The following RGPD3 variants were observed in gnomAD, a reference collection of about 807,000 sequenced individuals.
RGPD3 encodes ranBP2-like and GRIP domain-containing protein 3.
In RGPD3, 62 loss-of-function variants were observed where a neutral mutation model predicts 154.5. That is an observed-to-expected ratio of 0.40 (90% CI 0.33 to 0.50). The LOEUF (loss-of-function observed/expected upper bound fraction) is 0.50. Among genes scored for constraint, RGPD3 ranks in the 20% least tolerant of loss-of-function variants. The pLI is 0.59. For synonymous variants in RGPD3, 308 were observed against 607.0 expected (o/e 0.51, Z 7.24); for missense variants, 919 against 1,716.8 (o/e 0.54, Z 8.21).
In RGPD3 at chr2:106,409,192, G is replaced by A. The variant is rs559272070; in HGVS notation, c.5266+3892C>T. Among the ~76,000 whole-genome samples, 1,090 of 152,238 alleles carry A rather than the reference G, an allele frequency of 7.2e-3. 5 individuals are homozygous for A. Among genetic ancestry groups the A allele is most frequent in the Non-Finnish European group, 0.01 (706 of 68,008 alleles). On this transcript the variant is annotated intron_variant, in intron 22 of 22. Coordinates refer to ENST00000409886, the MANE Select transcript of RGPD3 (RefSeq NM_001144013.2). ...GCCCTGTTTCCTTCAGTGCCAGGAA[G>A]AGTGGCTCTCAGACCTTTCTTCTAG...
Position 106,403,912 on chromosome 2 carries a change from G to A in RGPD3, c.*1307C>T, listed in dbSNP as rs1398158298. 6.6e-6 allele frequency among the ~76,000 whole-genome samples: 1 copy of A among 152,200 alleles called. No individual in the cohort carries two copies. Among genetic ancestry groups the A allele is most frequent in the Admixed American group, 6.5e-5 (1 of 15,282 alleles). On this transcript the variant is annotated 3_prime_UTR_variant, in exon 23 of 23. Coordinates refer to ENST00000409886, the MANE Select transcript of RGPD3 (RefSeq NM_001144013.2). ...AGAAAATTAAGAGTATAAACTGAAG[G>A]CTTAAGAGAACTTCAGAGAGCATAC...
At position 106,404,005 on chromosome 2, in the gene RGPD3, T is replaced by C. The variant is rs1468459623; in HGVS notation, c.*1214A>G. Among the ~76,000 whole-genome samples, 2 of 152,222 alleles carry C rather than the reference T, an allele frequency of 1.3e-5. No individual in the cohort carries two copies. The highest frequency in any genetic ancestry group is 2.9e-5 in the Non-Finnish European group (2 of 68,046). On this transcript the variant is annotated 3_prime_UTR_variant, in exon 23 of 23. Coordinates refer to ENST00000409886, the MANE Select transcript of RGPD3 (RefSeq NM_001144013.2). Reference sequence around the variant, plus strand: ...ATTTAAGAACAACACAGTTTGGATCTAGTCATTAAAACATATGCAGCGGTG... The same window carrying C: ...ATTTAAGAACAACACAGTTTGGATCCAGTCATTAAAACATATGCAGCGGTG...
chr2:106,451,087 C>CAAAAAAAAAAAAA (rs10690405), intron 6 of RGPD3, among the ~76,000 whole-genome samples: 3 of 108,582 alleles, frequency 2.8e-5, no homozygotes, highest in Non-Finnish European at 5.4e-5. Flanking sequence ...GACTCCCTCT[C>CAAAAAAAAAAAAA]AAAAAAAAAA....
chr2:106,435,922 G>C (rs558352344), intron 12 of RGPD3, among the ~76,000 whole-genome samples: 2 of 152,280 alleles, frequency 1.3e-5, no homozygotes, highest in East Asian at 3.9e-4. Flanking sequence ...CAGCTAATAT[G>C]TAACATTCAC....
chr2:106,413,289 G>T lies in RGPD3; in HGVS notation c.5065-4C>A, dbSNP rs1186986549. ...TTCTTATTTCACTTTTGAGAAGCTGGTGTTAGAGAAATGAGTTAAAAATGG... is the reference window on the plus strand; with the variant it reads ...TTCTTATTTCACTTTTGAGAAGCTGTTGTTAGAGAAATGAGTTAAAAATGG... On this transcript the variant is annotated splice_region_variant and splice_polypyrimidine_tract_variant and intron_variant, in intron 21 of 22. Transcript: ENST00000409886. 1.2e-6 allele frequency: 2 copies of T among 1,611,754 alleles called. No homozygotes were observed. The highest frequency in any genetic ancestry group is 2.2e-5 in the East Asian group (1 of 44,844).
Position 106,436,225 on chromosome 2 carries a change from C to T in RGPD3, c.1656G>A (p.Leu552=), listed in dbSNP as rs1677547471. The T allele has an allele frequency of 8.1e-6, 13 of 1,611,812 alleles. No individual in the cohort carries two copies. Among genetic ancestry groups the T allele is most frequent in the Non-Finnish European group, 1.1e-5 (13 of 1,179,868 alleles). The part of the protein sequence containing the change: ...RKAVPGNSAK[L]RLLVQHEINT... ...TTATTTCATGCTGAACTAGAAGTCTCAATTTTGCTGAGTTTCCAGGTCTAA... is the reference window on the plus strand; with the variant it reads ...TTATTTCATGCTGAACTAGAAGTCTTAATTTTGCTGAGTTTCCAGGTCTAA... Residue 552 remains leucine (L), a synonymous_variant, in exon 12 of 23, where the codon TTG becomes TTA. Transcript: ENST00000409886.
intron 21 of RGPD3, among the ~76,000 whole-genome samples, chr2:106,415,390 T>A (rs1251333563): frequency 6.6e-6 from 1 of 152,068 alleles, no homozygotes; most frequent in Non-Finnish European, 1.5e-5. Flanking sequence ...ATAAAAGAAG[T>A]ATTTTGGCTG....
At chr2:106,467,867 C>A (rs1224300623) in intron 1 of RGPD3, among the ~76,000 whole-genome samples, 1 of 140,622 alleles carries the variant, frequency 7.1e-6, no homozygotes, top group Non-Finnish European at 1.5e-5. Flanking sequence ...GACGCCTGAG[C>A]CATCGAGGCC....
intron 11 of RGPD3, 37 bp downstream of exon 11, chr2:106,436,377 C>A: frequency 1.9e-6 from 3 of 1,608,396 alleles, no homozygotes; most frequent in South Asian, 2.2e-5. Context: ...AAAACCTACG[C>A]ACTAAGTGAA....
At chr2:106,421,197 T>A (rs1428718363) in intron 20 of RGPD3, among the ~76,000 whole-genome samples, 1 of 152,062 alleles carries the variant, frequency 6.6e-6, no homozygotes, top group Non-Finnish European at 1.5e-5. Flanking sequence ...TACTCATGTC[T>A]AAAGTCTTCA....
At chr2:106,417,931 C>G (rs1278779797) in intron 20 of RGPD3, among the ~76,000 whole-genome samples, 1 of 149,700 alleles carries the variant, frequency 6.7e-6, no homozygotes, top group Non-Finnish European at 1.5e-5. Flanking sequence ...AAGTTCAAGA[C>G]CAGCCTGGCC....
chr2:106,416,079 A>G, intron 20 of RGPD3, 90 bp from the exon 21 acceptor site: 1 of 1,544,388 alleles, frequency 6.5e-7, no homozygotes, highest in Non-Finnish European at 8.7e-7. Context: ...TAAATATCTT[A>G]CTATGTGATA....
chr2:106,467,548 A>C lies in RGPD3; in HGVS notation c.72+669T>G, dbSNP rs554744825. 3.8e-3 allele frequency among the ~76,000 whole-genome samples: 432 copies of C among 114,798 alleles called. 47 individuals are homozygous for C. The highest frequency in any genetic ancestry group is 0.02 in the Middle Eastern group (3 of 148). The allele number at this position is 114,798 out of a possible 152,430, so 75.3% of individuals were successfully genotyped here. On this transcript the variant is annotated intron_variant, in intron 1 of 22. Coordinates refer to ENST00000409886, the MANE Select transcript of RGPD3 (RefSeq NM_001144013.2). ...TGGGCCGGGTTGAGGCCGCCGCCTC[A>C]ACAGAGCGTGCCAGGGAGCAGCGCC... is the stretch of plus-strand genomic sequence containing the variant.
intron 9 of RGPD3, among the ~76,000 whole-genome samples, chr2:106,438,395 A>G (rs1302904613): frequency 1.3e-5 from 2 of 150,754 alleles, no homozygotes; most frequent in African/African-American, 4.9e-5. Flanking sequence ...GGCTGAGGCA[A>G]GAGAATCCCT....
rs1475972605 is a variant in RGPD3, at chr2:106,424,610, G to T, written c.3357C>A (p.Asn1119Lys). The change falls in exon 20 of 23, where the codon AAC becomes AAA. Residue 1119 changes from asparagine (N) to lysine (K), a missense_variant. Asn to Lys is a moderately conservative substitution (Grantham distance 94). Transcript: ENST00000409886. ...CANHWITTTM[N>K]LKPLSGSDRA... is the part of the protein sequence containing the mutation. ...TATCTGATCCAGAGAGGGGCTTCAG[G>T]TTCATTGTAGTCGTTATCCAATGAT... 6.2e-7 allele frequency: 1 copy of T among 1,611,670 alleles called. No homozygotes were observed.
chr2:106,413,372 C>G, intron 21 of RGPD3, 87 bp from the exon 22 acceptor site: 1 of 1,510,026 alleles, frequency 6.6e-7, no homozygotes. Context: ...TTCTTCTCTT[C>G]CCCCCAAATT....
In RGPD3 at chr2:106,424,328, T is replaced by A. The variant is rs1163099921; in HGVS notation, c.3639A>T (p.Gln1213His). 9 of 1,611,962 alleles carry A rather than the reference T, an allele frequency of 5.6e-6. No individual in the cohort carries two copies. Among genetic ancestry groups the A allele is most frequent in the Non-Finnish European group, 7.6e-6 (9 of 1,179,868 alleles). Reference protein sequence around the residue: ...KDFKTFLTNDQTKVAEEENKG... With the variant: ...KDFKTFLTNDHTKVAEEENKG... ...TATTTTCTTCCTCAGCGACTTTTGT[T>A]TGATCATTTGTCAAAAATGTTTTGA... Residue 1213 changes from glutamine (Q) to histidine (H), a missense_variant, in exon 20 of 23, where the codon CAA becomes CAT. Transcript: ENST00000409886.
chr2:106,465,724 T>A (rs1282134261), intron 1 of RGPD3, among the ~76,000 whole-genome samples: 1 of 151,836 alleles, frequency 6.6e-6, no homozygotes, highest in African/African-American at 2.4e-5. Context: ...GTAAGAACTT[T>A]AGAATTTTTT....
chr2:106,422,031 C>A (rs1415139550), intron 20 of RGPD3, among the ~76,000 whole-genome samples: 1 of 151,998 alleles, frequency 6.6e-6, no homozygotes, highest in African/African-American at 2.4e-5. Context: ...TACCCAGCTG[C>A]TAAAAACTGC....
Sources: allele counts gnomAD v4.1 joint callset (sites outside exome capture counted in the v4.1 genomes callset), GRCh38; gene constraint gnomAD v4.1.1; transcripts MANE v1.5; gene names NCBI Gene and HGNC (gene_info 2026-07-23, HGNC 2026-07-21).